The following ERBB3 variants were observed in gnomAD, a reference collection of about 807,000 sequenced individuals.
The protein encoded by ERBB3 is erb-b2 receptor tyrosine kinase 3, also known as receptor tyrosine-protein kinase erbB-3.
ERBB3 carries 96 observed loss-of-function variants against 156.7 expected under a neutral mutation model. That is an observed-to-expected ratio of 0.61 (90% confidence interval 0.52 to 0.73). ERBB3 has a LOEUF of 0.73. Among genes scored for constraint, ERBB3 ranks in the 30% least tolerant of loss-of-function variants. The probability of loss-of-function intolerance (pLI) is 0.00; values close to 1 mark genes in which losing one functional copy is unlikely to be tolerated. For missense variants in ERBB3, 1,406 were observed against 1,709.4 expected (o/e 0.82, Z 3.13); for synonymous variants, 567 against 632.0 (o/e 0.90, Z 1.54).
chr12:56,093,316 C>A, intron 11 of ERBB3, 29 bp from the exon 12 acceptor site: 1 of 1,583,202 alleles, frequency 6.3e-7, no homozygotes, highest in African/African-American at 1.3e-5. Context: ...TTAGTAGTCT[C>A]TCCTCTCATC....
rs185534054 is a variant in ERBB3 at position 56,093,271 on chromosome 12, G to A, written c.1275-74G>A. The A allele has an allele frequency of 4.1e-4, 586 of 1,424,760 alleles. 1 individual carries two copies. The highest frequency in any genetic ancestry group is 1.1e-3 in the Admixed American group (65 of 59,600). 88.3% of individuals were successfully genotyped at this position (1,424,760 alleles called of 1,614,324 possible). ...CTGACTAGCACTGAGCAAATTTCTT[G>A]ACTAACATGAATCCTTTGAATAGTT... is the stretch of plus-strand genomic sequence containing the variant. On this transcript the variant is annotated intron_variant, in intron 11 of 27. Transcript: ENST00000267101.
intron 1 of ERBB3, among the ~76,000 whole-genome samples, chr12:56,080,783 C>G (rs1006733161): frequency 1.1e-4 from 16 of 152,292 alleles, no homozygotes; most frequent in African/African-American, 3.6e-4. Flanking sequence ...GCCCCCCACC[C>G]GCGCCGATTT....
chr12:56,085,385 A>C, intron 3 of ERBB3: 1 of 1,445,008 alleles, frequency 6.9e-7, no homozygotes, highest in South Asian at 1.5e-5. Flanking sequence ...AGGGAAAGGA[A>C]CCCTGTGTCC....
intron 7 of ERBB3, 42 bp from the exon 8 acceptor site, chr12:56,088,501 T>C (rs1868560723): frequency 1.4e-6 from 2 of 1,417,884 alleles, no homozygotes; most frequent in African/African-American, 1.4e-5. Flanking sequence ...GCTGGTGATG[T>C]TCCTCCCTCA....
intron 9 of ERBB3, among the ~76,000 whole-genome samples, chr12:56,091,008 C>T (rs1328514057): frequency 2.6e-5 from 4 of 151,704 alleles, no homozygotes; most frequent in Non-Finnish European, 4.4e-5. Context: ...TTTTGTTTAT[C>T]TTTCATGATA....
chr12:56,092,998 T>A lies in ERBB3; in HGVS notation c.1196T>A (p.Ile399Asn), dbSNP rs1868766808. ...TVREITGYLN[I>N]QSWPPHMHNF... Reference sequence around the variant, plus strand: ...TCCAACCCCTCAGGTTACCTGAACATCCAGTCCTGGCCGCCCCACATGCAC... The same window carrying A: ...TCCAACCCCTCAGGTTACCTGAACAACCAGTCCTGGCCGCCCCACATGCAC... The change falls in exon 11 of 28, where the codon ATC becomes AAC. Residue 399 changes from isoleucine (I) to asparagine (N), a missense_variant. Ile to Asn is a moderately radical substitution (Grantham distance 149, BLOSUM62 -3). This residue lies in a region of ERBB3 where 979 missense variants were observed against 1,219.6 expected (regional missense o/e 0.80). Transcript: ENST00000267101. 6.2e-7 allele frequency: 1 copy of A among 1,613,972 alleles called. No individual in the cohort carries two copies. Among genetic ancestry groups the A allele is most frequent in the Admixed American group, 1.7e-5 (1 of 60,000 alleles).
Position 56,102,131 on chromosome 12 carries a change from C to T in ERBB3, c.*76C>T. On this transcript the variant is annotated 3_prime_UTR_variant, in exon 28 of 28. Transcript: ENST00000267101. Reference sequence around the variant, plus strand: ...TAGAGGGTACCGTCTTCTCCCTATTCCCTCTCTCTCCCAGGTCCCAGCCCC... The same window carrying T: ...TAGAGGGTACCGTCTTCTCCCTATTTCCTCTCTCTCCCAGGTCCCAGCCCC... The T allele has an allele frequency of 7.8e-7, 1 of 1,284,248 alleles. No individual in the cohort carries two copies. The highest frequency in any genetic ancestry group is 1.1e-6 in the Non-Finnish European group (1 of 893,340). 79.6% of individuals were successfully genotyped at this position (1,284,248 alleles called of 1,614,324 possible). A position where few individuals can be genotyped will look rare whatever the true frequency, so the allele number is the denominator to read the frequency against.
chr12:56,092,546 C>T (rs1868750161), intron 9 of ERBB3, among the ~76,000 whole-genome samples: 1 of 151,966 alleles, frequency 6.6e-6, no homozygotes. Flanking sequence ...TTGGGCTGTA[C>T]CCTTAATTCT....
chr12:56,098,608 C>G (rs1473863891), intron 22 of ERBB3, 33 bp downstream of exon 22: 13 of 1,597,154 alleles, frequency 8.1e-6, no homozygotes, highest in South Asian at 1.1e-5. Flanking sequence ...TCTACCATCA[C>G]TGGCCCCAGT....
Position 56,080,366 on chromosome 12 carries a change from G to C in ERBB3, c.66G>C (p.Val22=). 1 of 1,594,448 alleles carries C rather than the reference G, an allele frequency of 6.3e-7. No individual in the cohort carries two copies. The highest frequency in any genetic ancestry group is 2.3e-5 in the East Asian group (1 of 44,134). ...LLFSLARGSE[V]GNSQAVCPGT... is the part of the protein sequence containing the mutation. Reference sequence around the variant, plus strand: ...TCAGCCTGGCCCGGGGCTCCGAGGTGGGCAACTCTCAGGCAGGTAAGTGGC... The same window carrying C: ...TCAGCCTGGCCCGGGGCTCCGAGGTCGGCAACTCTCAGGCAGGTAAGTGGC... Residue 22 remains valine (V), a synonymous_variant, in exon 1 of 28, where the codon GTG becomes GTC. Transcript: ENST00000267101.
chr12:56,089,890 A>C (rs1175174223), intron 9 of ERBB3, among the ~76,000 whole-genome samples: 3 of 143,256 alleles, frequency 2.1e-5, no homozygotes, highest in Non-Finnish European at 3.0e-5. Context: ...TGTAAAAAAA[A>C]CCCACTATGA....
chr12:56,084,630 C>T (rs920092602), intron 2 of ERBB3, among the ~76,000 whole-genome samples: 2 of 149,668 alleles, frequency 1.3e-5, no homozygotes, highest in Non-Finnish European at 3.0e-5. Flanking sequence ...GCTCGGATCA[C>T]CTGAGGTCAG....
rs1322566465 is a variant in ERBB3 at position 56,102,369 on chromosome 12, C to T, written c.*314C>T. The T allele has an allele frequency of 2.7e-6, 1 of 374,292 alleles. No homozygotes were observed. Among genetic ancestry groups the T allele is most frequent in the Non-Finnish European group, 4.9e-6 (1 of 203,602 alleles). 23.2% of individuals were successfully genotyped at this position (374,292 alleles called of 1,614,324 possible). ...GAAGGATTACTCTCCATATCCCTTCCTCTCAGGCTCTTGACTACTTGGAAC... is the reference window on the plus strand; with the variant it reads ...GAAGGATTACTCTCCATATCCCTTCTTCTCAGGCTCTTGACTACTTGGAAC... On this transcript the variant is annotated 3_prime_UTR_variant, in exon 28 of 28. Coordinates refer to ENST00000267101, the MANE Select transcript of ERBB3 (RefSeq NM_001982.4).
At chr12:56,097,696 G>C in intron 20 of ERBB3, 89 bp from the exon 21 acceptor site, 1 of 1,393,452 alleles carries the variant, frequency 7.2e-7, no homozygotes, top group Non-Finnish European at 1.0e-6. Context: ...GACCACTGCT[G>C]AGAGGTACCT....
intron 1 of ERBB3, among the ~76,000 whole-genome samples, chr12:56,083,017 C>G (rs537940264): frequency 6.6e-6 from 1 of 152,028 alleles, no homozygotes; most frequent in Non-Finnish European, 1.5e-5. Flanking sequence ...TTTAGGAAGG[C>G]GGGGAGGCAA....
chr12:56,099,622 C>A, intron 23 of ERBB3, 26 bp from the exon 24 acceptor site: 1 of 1,593,090 alleles, frequency 6.3e-7, no homozygotes, highest in African/African-American at 1.3e-5. Context: ...TCTTTTATGT[C>A]TCTACCTCCT....
rs1869189374 is a variant in ERBB3, at chr12:56,103,362, G to A, written c.*1307G>A. On this transcript the variant is annotated 3_prime_UTR_variant, in exon 28 of 28. Transcript: ENST00000267101. ...CTCATCCAGCAGTGAGAAGCTTCCA[G>A]GTAGGACAGAAAAAAGATCCAGCTT... 4.6e-6 allele frequency: 1 copy of A among 219,326 alleles called. No homozygotes were observed. Among genetic ancestry groups the A allele is most frequent in the South Asian group, 1.9e-4 (1 of 5,390 alleles). 13.6% of individuals were successfully genotyped at this position (219,326 alleles called of 1,614,324 possible). A position where few individuals can be genotyped will look rare whatever the true frequency, so the allele number is the denominator to read the frequency against.
chr12:56,092,108 G>T (rs1397932630), intron 9 of ERBB3, among the ~76,000 whole-genome samples: 16 of 141,072 alleles, frequency 1.1e-4, no homozygotes, highest in African/African-American at 4.0e-4. Context: ...AAAAAAAAAA[G>T]GCCAGGTGCA....
Position 56,080,191 on chromosome 12 carries a change from C to T in ERBB3, c.-110C>T. ...CAATTTGCAACCTCCGCTGCCGTCG[C>T]CGCAGCAGCCACCAATTCGCCAGCG... is the stretch of plus-strand genomic sequence containing the variant. On this transcript the variant is annotated 5_prime_UTR_variant, in exon 1 of 28. Coordinates refer to ENST00000267101, the MANE Select transcript of ERBB3 (RefSeq NM_001982.4). The T allele has an allele frequency of 1.1e-6, 1 of 876,592 alleles. No individual in the cohort carries two copies. The highest frequency in any genetic ancestry group is 2.6e-5 in the East Asian group (1 of 37,926). 54.3% of individuals were successfully genotyped at this position (876,592 alleles called of 1,614,324 possible).
Sources: allele counts gnomAD v4.1 joint callset (sites outside exome capture counted in the v4.1 genomes callset), GRCh38; gene constraint gnomAD v4.1.1; regional missense constraint gnomAD v4.1.1; transcripts MANE v1.5; gene names NCBI Gene and HGNC (gene_info 2026-07-23, HGNC 2026-07-21).